Variants in WDR44 observed in about 807,000 individuals in gnomAD.
WDR44 encodes the protein WD repeat-containing protein 44.
Under a neutral mutation model 65.7 loss-of-function variants are expected in WDR44, and 9 were observed. The ratio of observed to expected loss-of-function variants is 0.14; its 90% CI spans 0.08 to 0.24. The LOEUF (loss-of-function observed/expected upper bound fraction) is 0.24, where lower values mean the gene tolerates loss of function less well. Among genes scored for constraint, WDR44 ranks in the 10% least tolerant of loss-of-function variants. WDR44 has a pLI of 1.00. For missense variants in WDR44, 425 were observed against 670.9 expected (o/e 0.63, Z 4.05); for synonymous variants, 220 against 235.2 (o/e 0.94, Z 0.59).
chrX:118,379,686 G>A (rs5956959), intron 2 of WDR44, among the ~76,000 whole-genome samples: 29,359 of 110,543 alleles, frequency 0.27, 3,174 homozygotes, highest in African/African-American at 0.39. Context: ...AAATGGAGAA[G>A]GATACACAAG....
intron 2 of WDR44, among the ~76,000 whole-genome samples, chrX:118,381,384 A>C (rs1369743369): frequency 9.2e-6 from 1 of 109,148 alleles, no homozygotes; most frequent in African/African-American, 3.3e-5. Context: ...CAGGAGAATC[A>C]CTTGAATCTG....
At chrX:118,406,537 TG>T (rs1232091664) in intron 9 of WDR44, among the ~76,000 whole-genome samples, 1 of 112,171 alleles carries the variant, frequency 8.9e-6, no homozygotes, top group Non-Finnish European at 1.9e-5. Context: ...ATTCAGTGCC[TG>T]GGACTGTACT....
intron 2 of WDR44, among the ~76,000 whole-genome samples, chrX:118,381,368 C>A (rs1248902961): frequency 9.2e-6 from 1 of 108,791 alleles, no homozygotes; most frequent in Admixed American, 9.9e-5. Context: ...ACTTGGGAGG[C>A]TGAGGCAGGA....
chrX:118,350,907 G>A (rs1401055898), intron 1 of WDR44, among the ~76,000 whole-genome samples: 1 of 111,456 alleles, frequency 9.0e-6, no homozygotes, highest in Non-Finnish European at 1.9e-5. Flanking sequence ...GAGGGGAAGT[G>A]ACACATTGCT....
chrX:118,405,403 G>C (rs1339908750), intron 9 of WDR44, among the ~76,000 whole-genome samples: 2 of 109,526 alleles, frequency 1.8e-5, no homozygotes, highest in African/African-American at 6.7e-5. Flanking sequence ...ACAGTGGCAC[G>C]ATCTCGGCTC....
intron 14 of WDR44, among the ~76,000 whole-genome samples, chrX:118,440,134 AAG>A (rs1491125265): frequency 1.4e-4 from 14 of 96,629 alleles, no homozygotes; most frequent in East Asian, 7.2e-4. Flanking sequence ...AAAAAAAAAA[AAG>A]AAAGAAAGAA....
At chrX:118,393,925 T>G in intron 4 of WDR44, 130 bp from the exon 5 acceptor site, 1 of 577,826 alleles carries the variant, frequency 1.7e-6, no homozygotes, top group Non-Finnish European at 2.7e-6. Context: ...TTGAGGAAAT[T>G]AAATAACTTG....
At chrX:118,382,569 A>G (rs2056728692) in intron 2 of WDR44, among the ~76,000 whole-genome samples, 2 of 112,415 alleles carry the variant, frequency 1.8e-5, no homozygotes, top group South Asian at 7.3e-4. Context: ...ATTTTTCTAT[A>G]ATTAATGTTT....
Position 118,448,961 on chromosome X carries a change from G to A in WDR44, c.2716G>A (p.Val906Ile). The A allele has an allele frequency of 8.4e-7, 1 of 1,188,846 alleles. No individual in the cohort carries two copies. Among genetic ancestry groups the A allele is most frequent in the Non-Finnish European group, 1.1e-6 (1 of 881,160 alleles). The change falls in exon 20 of 20, where the codon GTT becomes ATT. Residue 906 changes from valine to isoleucine, a missense_variant. Physicochemically the swap from Val to Ile is conservative, Grantham distance 29. Around this residue, in one of 5 missense-constraint regions of WDR44, gnomAD observed 37 missense variants for 40.9 expected, o/e 0.90. Transcript: ENST00000254029. The stretch of plus-strand genomic sequence containing the variant: ...CTTCACTGGAGCAATCAAAGTGTTT[G>A]TTAATAAAAGAAAAAATGTATCTTA... ...ADFTGAIKVF[V>I]NKRKNVS
At chrX:118,420,251 AT>A (rs374523427) in intron 12 of WDR44, among the ~76,000 whole-genome samples, 8 of 109,974 alleles carry the variant, frequency 7.3e-5, no homozygotes, top group African/African-American at 2.3e-4. Context: ...GTGGTTTAAA[AT>A]TTTTTTTTCT....
intron 4 of WDR44, 83 bp downstream of exon 4, chrX:118,393,354 G>A (rs1410514676): frequency 1.9e-5 from 20 of 1,043,743 alleles, no homozygotes; most frequent in South Asian, 8.9e-5. Flanking sequence ...AGGCCAAGGC[G>A]GGCGGATCGC....
chrX:118,392,851 G>A lies in WDR44; in HGVS notation c.406G>A (p.Glu136Lys), dbSNP rs921064575. The A allele has an allele frequency of 1.8e-5, 22 of 1,211,902 alleles. No homozygotes were observed. Among genetic ancestry groups the A allele is most frequent in the Non-Finnish European group, 2.5e-5 (22 of 895,552 alleles). Residue 136 changes from glutamate (E) to lysine (K), a missense_variant, in exon 4 of 20, where the codon GAA becomes AAA. Glu to Lys is a moderately conservative substitution (Grantham distance 56). Around this residue, in one of 5 missense-constraint regions of WDR44, gnomAD observed 193 missense variants for 209.0 expected, o/e 0.92. Coordinates refer to ENST00000254029, the MANE Select transcript of WDR44 (RefSeq NM_019045.5). ...SQNTFEETEL[E>K]LKKCFPSDET... Reference sequence around the variant, plus strand: ...GAATACATTTGAAGAGACTGAATTAGAATTAAAAAAATGCTTTCCTTCTGA... The same window carrying A: ...GAATACATTTGAAGAGACTGAATTAAAATTAAAAAAATGCTTTCCTTCTGA...
At chrX:118,436,252 A>G (rs1429351796) in intron 13 of WDR44, among the ~76,000 whole-genome samples, 1 of 112,292 alleles carries the variant, frequency 8.9e-6, no homozygotes, top group Admixed American at 9.5e-5. Flanking sequence ...ATTATAGGGT[A>G]ATCTTTTTGA....
chrX:118,352,330 ATATATATATATATATATATATATTTTTT>A (rs1337953182), intron 1 of WDR44, among the ~76,000 whole-genome samples: 1 of 13,862 alleles, frequency 7.2e-5, no homozygotes, highest in African/African-American at 6.0e-4. Flanking sequence ...ATATATATAT[ATATATATATATATATATATATATTTTTT>A]TTTTTTTTTT....
intron 12 of WDR44, among the ~76,000 whole-genome samples, chrX:118,414,492 T>C: frequency 9.0e-6 from 1 of 111,358 alleles, no homozygotes. Context: ...TTTCACAATA[T>C]TGATTCTACC....
intron 1 of WDR44, among the ~76,000 whole-genome samples, chrX:118,366,012 TCAGATACA>T (rs1393835119): frequency 8.9e-6 from 1 of 111,958 alleles, no homozygotes. Flanking sequence ...CTGCAAATTC[TCAGATACA>T]CTGGGACATA....
intron 12 of WDR44, among the ~76,000 whole-genome samples, chrX:118,417,361 CT>C (rs1419175606): frequency 9.0e-6 from 1 of 111,054 alleles, no homozygotes; most frequent in Non-Finnish European, 1.9e-5. Context: ...TTTAGCAGTT[CT>C]TATAGTGGTG....
chrX:118,362,536 A>C (rs896860341), intron 1 of WDR44, among the ~76,000 whole-genome samples: 3 of 111,533 alleles, frequency 2.7e-5, no homozygotes, highest in Non-Finnish European at 5.7e-5. Flanking sequence ...TTTGCTGAGC[A>C]TTTTTGATAA....
rs898186285 is a variant in WDR44, at chrX:118,388,284, A to AT, written c.186+880dup. ...GGAATTTAGAAATTTAATGGACTAC[A>AT]TTTTTTTTTTATTTGAGGCAGGGTC... On this transcript the variant is annotated intron_variant, in intron 3 of 19. Coordinates refer to ENST00000254029, the MANE Select transcript of WDR44 (RefSeq NM_019045.5). Among the ~76,000 whole-genome samples, 114 of 108,118 alleles carry AT rather than the reference A, an allele frequency of 1.1e-3. 1 individual carries two copies. Among genetic ancestry groups the AT allele is most frequent in the African/African-American group, 3.4e-3 (101 of 29,912 alleles). The allele number at this position is 108,118 out of a possible 115,157, so 93.9% of individuals were successfully genotyped here.
Sources: gnomAD v4.1 joint callset for allele counts (sites outside exome capture counted in the v4.1 genomes callset) on GRCh38, gnomAD v4.1.1 for gene constraint, gnomAD v4.1.1 regional missense constraint, MANE v1.5 for transcripts, NCBI Gene and HGNC (gene_info 2026-07-23, HGNC 2026-07-21) for gene names.